Variants in NDST3 observed in about 807,000 individuals in gnomAD.
NDST3 encodes the protein N-deacetylase and N-sulfotransferase 3.
In NDST3, 58 loss-of-function variants were observed where a neutral mutation model predicts 96.1. That is an observed-to-expected ratio of 0.60 (90% CI 0.49 to 0.75). NDST3 has a LOEUF of 0.75. Ranked by LOEUF, NDST3 falls within the 30% of genes least tolerant of loss-of-function variation. The pLI, the probability that NDST3 is intolerant of heterozygous loss-of-function variation, is 0.00. For missense variants in NDST3, 788 were observed against 1,034.2 expected (o/e 0.76, Z 3.27); for synonymous variants, 333 against 359.7 (o/e 0.93, Z 0.84).
intron 2 of NDST3, chr4:118,055,123 G>T (rs1413638092): frequency 3.6e-6 from 2 of 561,488 alleles, no homozygotes; most frequent in South Asian, 2.1e-5. Context: ...ATCCTGAAAT[G>T]GTTTTCTACA....
intron 6 of NDST3, among the ~76,000 whole-genome samples, chr4:118,160,162 G>T (rs1156586646): frequency 6.6e-6 from 1 of 152,060 alleles, no homozygotes; most frequent in Non-Finnish European, 1.5e-5. Context: ...AGCAGAAAAA[G>T]AAAACTGATT....
At chr4:118,253,980 C>T (rs879878585) in intron 13 of NDST3, among the ~76,000 whole-genome samples, 2 of 152,152 alleles carry the variant, frequency 1.3e-5, no homozygotes, top group Non-Finnish European at 2.9e-5. Context: ...GCGGCTCATG[C>T]CTGTAATCTC....
At chr4:118,153,839 T>C (rs1734564067) in intron 6 of NDST3, among the ~76,000 whole-genome samples, 1 of 151,838 alleles carries the variant, frequency 6.6e-6, no homozygotes, top group Admixed American at 6.6e-5. Flanking sequence ...ATAATAATAA[T>C]AATAATTTTA....
intron 6 of NDST3, among the ~76,000 whole-genome samples, chr4:118,146,283 A>G (rs1028109446): frequency 6.6e-6 from 1 of 152,248 alleles, no homozygotes; most frequent in African/African-American, 2.4e-5. Context: ...CCAGGCCTCA[A>G]TTAGAAGTGC....
rs533578893 is a variant in NDST3 at position 118,126,140 on chromosome 4, C to T, written c.1224+11180C>T. Among the ~76,000 whole-genome samples the T allele has an allele frequency of 7.2e-5, 11 of 152,100 alleles. No individual in the cohort carries two copies. In the South Asian group the frequency reaches 1.7e-3, roughly 23 times the overall value. The stretch of plus-strand genomic sequence containing the variant: ...AATCATCATTAGAAGCTTGAAAATG[C>T]TTCACAAATTCAAATAATTATATAA... On this transcript the variant is annotated intron_variant, in intron 4 of 13. Transcript: ENST00000296499.
intron 12 of NDST3, among the ~76,000 whole-genome samples, chr4:118,250,307 A>G (rs1292694453): frequency 2.0e-5 from 3 of 152,128 alleles, no homozygotes; most frequent in Non-Finnish European, 4.4e-5. Flanking sequence ...CAACAATTCT[A>G]TTTGTTCCAT....
chr4:118,089,363 C>T (rs962993084), intron 2 of NDST3, among the ~76,000 whole-genome samples: 3 of 151,672 alleles, frequency 2.0e-5, no homozygotes, highest in African/African-American at 7.3e-5. Flanking sequence ...AAAACTTTTT[C>T]CATTAAGGAA....
rs528934420 is a variant in NDST3, at chr4:118,150,623, A to G, written c.1539+6939A>G. Among the ~76,000 whole-genome samples the G allele has an allele frequency of 7.2e-3, 1,094 of 151,400 alleles. 10 individuals are homozygous for G. The highest frequency in any genetic ancestry group is 0.023 in the African/African-American group (954 of 41,052). ...AAAGAAGACATTTATGCAGCCAAAA[A>G]ACACATGAAAAAATGCTCACCATCA... On this transcript the variant is annotated intron_variant, in intron 6 of 13. Transcript: ENST00000296499.
At chr4:118,216,144 A>G (rs936014292) in intron 6 of NDST3, among the ~76,000 whole-genome samples, 21 of 152,252 alleles carry the variant, frequency 1.4e-4, no homozygotes, top group African/African-American at 5.1e-4. Flanking sequence ...ATATTTGCAG[A>G]GCATTGAAAG....
At chr4:118,111,115 C>T (rs1019859202) in intron 3 of NDST3, among the ~76,000 whole-genome samples, 11 of 152,172 alleles carry the variant, frequency 7.2e-5, no homozygotes, top group Non-Finnish European at 1.0e-4. Context: ...AACTAAACAT[C>T]GAGTACTCAT....
chr4:118,082,320 C>T (rs1728090319), intron 2 of NDST3, among the ~76,000 whole-genome samples: 1 of 152,186 alleles, frequency 6.6e-6, no homozygotes, highest in Admixed American at 6.5e-5. Flanking sequence ...GACATAGTTT[C>T]ATGGTTGCTG....
intron 4 of NDST3, among the ~76,000 whole-genome samples, chr4:118,132,447 T>C (rs771126327): frequency 1.3e-5 from 2 of 152,034 alleles, no homozygotes; most frequent in Non-Finnish European, 2.9e-5. Context: ...TGGCCTGGGA[T>C]TCACCCTCTG....
intron 6 of NDST3, among the ~76,000 whole-genome samples, chr4:118,197,665 C>G (rs1406304689): frequency 6.7e-6 from 1 of 149,430 alleles, no homozygotes; most frequent in East Asian, 1.9e-4. Context: ...CTTGGAATAT[C>G]TTTTCCATCC....
chr4:118,203,483 C>CA, intron 6 of NDST3, among the ~76,000 whole-genome samples: 1 of 152,126 alleles, frequency 6.6e-6, no homozygotes, highest in East Asian at 1.9e-4. Context: ...GATTCAATTT[C>CA]AGAAGTCGAT....
chr4:118,243,204 C>T (rs1316577166), intron 12 of NDST3, among the ~76,000 whole-genome samples: 1 of 151,918 alleles, frequency 6.6e-6, no homozygotes, highest in Non-Finnish European at 1.5e-5. Flanking sequence ...AGTAGTTTTC[C>T]CTTTTTTTGT....
At chr4:118,143,754 G>A (rs1578719478) in intron 6 of NDST3, 70 bp downstream of exon 6, 1 of 1,499,674 alleles carries the variant, frequency 6.7e-7, no homozygotes, top group Non-Finnish European at 8.9e-7. Flanking sequence ...TGGCAAAGAG[G>A]CTAGGGATTG....
intron 8 of NDST3, among the ~76,000 whole-genome samples, chr4:118,231,048 T>G (rs1415611288): frequency 2.6e-5 from 4 of 152,042 alleles, no homozygotes; most frequent in Non-Finnish European, 4.4e-5. Context: ...ATTAATACTA[T>G]TTAAGGGCGG....
intron 12 of NDST3, among the ~76,000 whole-genome samples, chr4:118,251,311 A>T (rs1222855458): frequency 1.3e-5 from 2 of 151,350 alleles, no homozygotes; most frequent in Admixed American, 1.3e-4. Flanking sequence ...TATTTTTAGT[A>T]GAGATGGGGT....
chr4:118,174,265 T>C (rs887925322), intron 6 of NDST3, among the ~76,000 whole-genome samples: 4 of 152,106 alleles, frequency 2.6e-5, no homozygotes, highest in Non-Finnish European at 1.5e-5. Flanking sequence ...AAACTTGATA[T>C]GAAAAATCAT....
Sources: gnomAD v4.1 joint callset for allele counts (sites outside exome capture counted in the v4.1 genomes callset) on GRCh38, gnomAD v4.1.1 for gene constraint, MANE v1.5 for transcripts, NCBI Gene and HGNC (gene_info 2026-07-23, HGNC 2026-07-21) for gene names.